NKAIN2: variants seen among roughly 807,000 people sequenced by gnomAD.
The protein encoded by NKAIN2 is sodium/potassium-transporting ATPase subunit beta-1-interacting protein 2.
NKAIN2 carries 14 observed loss-of-function variants against 32.6 expected under a neutral mutation model. That is an observed-to-expected ratio of 0.43 (90% CI 0.28 to 0.67). The LOEUF (loss-of-function observed/expected upper bound fraction) is 0.67. NKAIN2 is among the 30% of genes least tolerant of loss of function. NKAIN2 has a pLI of 0.17. For missense variants in NKAIN2, 198 were observed against 258.3 expected (o/e 0.77, Z 1.60); for synonymous variants, 80 against 87.2 (o/e 0.92, Z 0.46).
chr6:123,852,730 G>A (rs1775402635), intron 1 of NKAIN2, among the ~76,000 whole-genome samples: 1 of 152,176 alleles, frequency 6.6e-6, no homozygotes, highest in Admixed American at 6.5e-5. Flanking sequence ...ATTATGTTAT[G>A]TAAAATAGGC....
At chr6:124,257,848 G>T (rs1218772250) in intron 1 of NKAIN2, among the ~76,000 whole-genome samples, 10 of 144,568 alleles carry the variant, frequency 6.9e-5, no homozygotes, top group African/African-American at 2.6e-4. Flanking sequence ...GCACGATCTT[G>T]GATCACTACA....
intron 1 of NKAIN2, among the ~76,000 whole-genome samples, chr6:124,209,003 A>T (rs1791036710): frequency 6.6e-6 from 1 of 151,550 alleles, no homozygotes; most frequent in African/African-American, 2.4e-5. Context: ...ATTTTAAAAT[A>T]TGCCATACAT....
At chr6:124,426,033 C>A (rs1774967640) in intron 3 of NKAIN2, among the ~76,000 whole-genome samples, 1 of 152,144 alleles carries the variant, frequency 6.6e-6, no homozygotes, top group Admixed American at 6.5e-5. Flanking sequence ...AACCTAGACT[C>A]TTTGTAGTAA....
chr6:124,715,072 G>A (rs774072195), intron 4 of NKAIN2, among the ~76,000 whole-genome samples: 13 of 152,182 alleles, frequency 8.5e-5, no homozygotes, highest in Non-Finnish European at 1.8e-4. Flanking sequence ...TGAAAATGCT[G>A]GGAAGAGGTA....
rs150017663 is a variant in NKAIN2, at chr6:124,497,392, G to A, written c.273+142045G>A. On this transcript the variant is annotated intron_variant, in intron 3 of 6. Transcript: ENST00000368417. The stretch of plus-strand genomic sequence containing the variant: ...TATTACCTCCTAGGCACTTTCTGCA[G>A]CACAGTTGTTCAAGATAGATAATAC... Among the ~76,000 whole-genome samples, 335 of 152,206 alleles carry A rather than the reference G, an allele frequency of 2.2e-3. 3 individuals are homozygous for A. Among genetic ancestry groups the A allele is most frequent in the African/African-American group, 7.9e-3 (327 of 41,534 alleles).
chr6:124,577,686 G>A (rs1383532589), intron 3 of NKAIN2, among the ~76,000 whole-genome samples: 2 of 152,016 alleles, frequency 1.3e-5, no homozygotes, highest in Non-Finnish European at 2.9e-5. Context: ...CTCACAGCCA[G>A]TGGATTTAGG....
intron 1 of NKAIN2, among the ~76,000 whole-genome samples, chr6:124,071,441 A>G (rs1271419142): frequency 6.6e-6 from 1 of 152,178 alleles, no homozygotes; most frequent in Non-Finnish European, 1.5e-5. Context: ...TAAGTCCTCA[A>G]AAGCAATTGC....
At chr6:124,203,471 A>T (rs555747176) in intron 1 of NKAIN2, among the ~76,000 whole-genome samples, 36 of 152,002 alleles carry the variant, frequency 2.4e-4, no homozygotes, top group African/African-American at 8.2e-4. Context: ...GTGAAATTCA[A>T]ACTATTAATT....
At chr6:124,756,256 G>GC (rs1238790023) in intron 4 of NKAIN2, among the ~76,000 whole-genome samples, 1 of 152,126 alleles carries the variant, frequency 6.6e-6, no homozygotes, top group Non-Finnish European at 1.5e-5. Flanking sequence ...GCTGCCTGAG[G>GC]CCCCTTCCTC....
At chr6:123,881,062 C>T (rs1053750790) in intron 1 of NKAIN2, among the ~76,000 whole-genome samples, 2 of 152,250 alleles carry the variant, frequency 1.3e-5, no homozygotes, top group South Asian at 4.1e-4. Flanking sequence ...GATTTTGTCA[C>T]CTAGGCTGTT....
At chr6:124,069,055 C>T (rs375184619) in intron 1 of NKAIN2, among the ~76,000 whole-genome samples, 1 of 152,070 alleles carries the variant, frequency 6.6e-6, no homozygotes, top group Non-Finnish European at 1.5e-5. Flanking sequence ...AAGTCTATTC[C>T]GTACAGGGAT....
intron 4 of NKAIN2, among the ~76,000 whole-genome samples, chr6:124,720,086 A>C (rs1367338307): frequency 6.6e-6 from 1 of 152,140 alleles, no homozygotes; most frequent in Non-Finnish European, 1.5e-5. Flanking sequence ...GATTCATGCT[A>C]TCAGTCAAAC....
At chr6:124,324,208 T>G (rs916755819) in intron 2 of NKAIN2, among the ~76,000 whole-genome samples, 2 of 152,214 alleles carry the variant, frequency 1.3e-5, no homozygotes, top group Non-Finnish European at 2.9e-5. Context: ...ATAATTGGCA[T>G]CTTTACTACG....
rs141916648 is a variant in NKAIN2, at chr6:124,442,019, G to A, written c.273+86672G>A. 3.4e-3 allele frequency among the ~76,000 whole-genome samples: 524 copies of A among 152,124 alleles called. 4 individuals carry two copies. The highest frequency in any genetic ancestry group is 0.01 in the Middle Eastern group (3 of 294). ...TTGGGCTGATGCTGAGTCTTCTGTCGTGTTGGCAGGTGCTTCTTGTGCATG... is the reference window on the plus strand; with the variant it reads ...TTGGGCTGATGCTGAGTCTTCTGTCATGTTGGCAGGTGCTTCTTGTGCATG... On this transcript the variant is annotated intron_variant, in intron 3 of 6. Transcript: ENST00000368417.
chr6:124,787,615 A>G (rs558070178), intron 4 of NKAIN2, among the ~76,000 whole-genome samples: 10 of 152,246 alleles, frequency 6.6e-5, no homozygotes, highest in African/African-American at 1.4e-4. Context: ...ACTGACATCA[A>G]TTCTGACAAG....
chr6:124,662,916 A>C (rs1170977013), intron 4 of NKAIN2, among the ~76,000 whole-genome samples: 1 of 152,186 alleles, frequency 6.6e-6, no homozygotes, highest in Non-Finnish European at 1.5e-5. Flanking sequence ...TTTACATGTT[A>C]AATCTAAGTT....
intron 1 of NKAIN2, among the ~76,000 whole-genome samples, chr6:124,190,775 T>C (rs551958960): frequency 3.9e-5 from 6 of 152,342 alleles, no homozygotes; most frequent in Admixed American, 1.3e-4. Context: ...AGTTCATTTC[T>C]GTCACCCCCT....
intron 4 of NKAIN2, among the ~76,000 whole-genome samples, chr6:124,727,732 T>C (rs1405036876): frequency 6.8e-6 from 1 of 147,628 alleles, no homozygotes; most frequent in East Asian, 2.0e-4. Context: ...GTAAATGGGC[T>C]AAATGCTCCA....
At chr6:124,570,042 C>T (rs560779252) in intron 3 of NKAIN2, among the ~76,000 whole-genome samples, 1 of 152,250 alleles carries the variant, frequency 6.6e-6, no homozygotes, top group African/African-American at 2.4e-5. Context: ...GCGAAGGTGA[C>T]TCTTGTTATA....
Sources: gnomAD v4.1 joint callset for allele counts (sites outside exome capture counted in the v4.1 genomes callset) on GRCh38, gnomAD v4.1.1 for gene constraint, MANE v1.5 for transcripts, NCBI Gene and HGNC (gene_info 2026-07-23, HGNC 2026-07-21) for gene names.